Variants in BCAS3 observed in about 807,000 individuals in gnomAD.
BCAS3 encodes BCAS4/BCAS3 fusion.
BCAS3 carries 53 observed loss-of-function variants against 116.1 expected under a neutral mutation model. That is an observed-to-expected ratio of 0.46 (90% CI 0.37 to 0.57). BCAS3 has a LOEUF of 0.57. Ranked by LOEUF, BCAS3 falls within the 20% of genes least tolerant of loss-of-function variation. The pLI, the probability that BCAS3 is intolerant of heterozygous loss-of-function variation, is 0.00. For missense variants in BCAS3, 917 were observed against 1,165.4 expected (o/e 0.79, Z 3.10); for synonymous variants, 391 against 408.2 (o/e 0.96, Z 0.51).
At chr17:61,090,180 G>T (rs1226784009) in intron 22 of BCAS3, among the ~76,000 whole-genome samples, 3 of 152,302 alleles carry the variant, frequency 2.0e-5, no homozygotes, top group South Asian at 2.1e-4. Flanking sequence ...TGTGGAAGGG[G>T]TGTGTTCAAA....
chr17:61,030,714 G>C (rs557757067), intron 16 of BCAS3, among the ~76,000 whole-genome samples: 2 of 151,826 alleles, frequency 1.3e-5, no homozygotes, highest in African/African-American at 4.8e-5. Context: ...TTTTTCTTTT[G>C]ATTACATTGA....
chr17:61,090,522 T>C (rs994523255), intron 22 of BCAS3, among the ~76,000 whole-genome samples: 3 of 152,216 alleles, frequency 2.0e-5, no homozygotes, highest in African/African-American at 7.2e-5. Context: ...CTTTCGACTA[T>C]CTGCTGTCTA....
rs539781761 is a variant in BCAS3 at position 61,156,536 on chromosome 17, G to C, written c.2425+71972G>C. ...TGTAGGTTCAGACTGAGGTTGGAAC[G>C]GGCTTGCTTCTCTCTCTCACCTTCT... On this transcript the variant is annotated intron_variant, in intron 22 of 23. Coordinates refer to ENST00000407086, the MANE Select transcript of BCAS3 (RefSeq NM_017679.5). The surrounding 1 kb of genome is among the most constrained non-coding windows in gnomAD (Gnocchi z 4.7). 1.3e-5 allele frequency among the ~76,000 whole-genome samples: 2 copies of C among 152,068 alleles called. No homozygotes were observed. The highest frequency in any genetic ancestry group is 2.9e-5 in the Non-Finnish European group (2 of 68,024).
chr17:61,118,569 T>C lies in BCAS3; in HGVS notation c.2425+34005T>C, dbSNP rs573007567. Among the ~76,000 whole-genome samples the C allele has an allele frequency of 6.6e-6, 1 of 152,190 alleles. No homozygotes were observed. The highest frequency in any genetic ancestry group is 1.5e-5 in the Non-Finnish European group (1 of 68,034). ...CCCTGTGGAGGTGTTGGGCACCTTG[T>C]CATAGCCTCTCAAGGGTGGAGTCTG... On this transcript the variant is annotated intron_variant, in intron 22 of 23. Coordinates refer to ENST00000407086, the MANE Select transcript of BCAS3 (RefSeq NM_017679.5). The surrounding 1 kb of genome is among the most constrained non-coding windows in gnomAD (Gnocchi z 5.0).
intron 4 of BCAS3, among the ~76,000 whole-genome samples, chr17:60,703,696 C>T (rs910890058): frequency 4.0e-5 from 6 of 151,836 alleles, no homozygotes; most frequent in African/African-American, 9.7e-5. Context: ...GGGTGGATCA[C>T]GAGGTCAGGA....
In BCAS3 at chr17:61,077,977, G is replaced by GA. The variant is rs1213717059; in HGVS notation, c.2131-352dup. ...ATGGTAAGTACTGTCTAGAATGAAT[G>GA]AAAAGGTAGACCCTACGGAGCTGAC... On this transcript the variant is annotated intron_variant, in intron 20 of 23. Transcript: ENST00000407086. This position sits in a 1 kb window ranked among gnomAD's most constrained non-coding sequence, Gnocchi z 4.3. Among the ~76,000 whole-genome samples the GA allele has an allele frequency of 2.0e-5, 3 of 152,156 alleles. No individual in the cohort carries two copies. Among genetic ancestry groups the GA allele is most frequent in the Admixed American group, 1.3e-4 (2 of 15,284 alleles).
Position 61,017,858 on chromosome 17 carries a change from T to G in BCAS3, c.1637+1957T>G, listed in dbSNP as rs1482295620. Among the ~76,000 whole-genome samples the G allele has an allele frequency of 6.6e-6, 1 of 152,148 alleles. No homozygotes were observed. The highest frequency in any genetic ancestry group is 1.9e-4 in the East Asian group (1 of 5,194). On this transcript the variant is annotated intron_variant, in intron 16 of 23. Coordinates refer to ENST00000407086, the MANE Select transcript of BCAS3 (RefSeq NM_017679.5). This position sits in a 1 kb window ranked among gnomAD's most constrained non-coding sequence, Gnocchi z 4.7. ...TCTCTACACTGAGATGAATAGAAAC[T>G]GTTAGTCATTTGGTGTCCTCCTGTG...
At chr17:61,237,516 A>G (rs568975452) in intron 22 of BCAS3, among the ~76,000 whole-genome samples, 2 of 152,346 alleles carry the variant, frequency 1.3e-5, no homozygotes, top group Non-Finnish European at 1.5e-5. Context: ...TGCTCTTCAC[A>G]ATAAATCTTG....
At chr17:61,195,543 CTTT>C (rs112302026) in intron 22 of BCAS3, among the ~76,000 whole-genome samples, 4 of 81,394 alleles carry the variant, frequency 4.9e-5, no homozygotes, top group African/African-American at 8.1e-5. Context: ...CTTTTTCTTT[CTTT>C]TTTTTTTTTT....
rs192398189 is a variant in BCAS3, at chr17:61,264,241, T to A, written c.2426-104086T>A. Among the ~76,000 whole-genome samples the A allele has an allele frequency of 3.3e-5, 5 of 152,224 alleles. No homozygotes were observed. The East Asian group carries it at 9.6e-4, about 29-fold the overall frequency. ...TATTTCTAGATCTTGCAGTTCTACTTCTAAGTATGTAATCCAGAGAAAATT... is the reference window on the plus strand; with the variant it reads ...TATTTCTAGATCTTGCAGTTCTACTACTAAGTATGTAATCCAGAGAAAATT... On this transcript the variant is annotated intron_variant, in intron 22 of 23. Coordinates refer to ENST00000407086, the MANE Select transcript of BCAS3 (RefSeq NM_017679.5).
Position 61,325,080 on chromosome 17 carries a change from C to T in BCAS3, c.2426-43247C>T, listed in dbSNP as rs973183048. On this transcript the variant is annotated intron_variant, in intron 22 of 23. Transcript: ENST00000407086. This position sits in a 1 kb window ranked among gnomAD's most constrained non-coding sequence, Gnocchi z 6.4. ...AGGCCATCCCACCATGCACAGTTAG[C>T]CTGGGCTTTAAAACCCCGCTCCCTC... Among the ~76,000 whole-genome samples the T allele has an allele frequency of 5.9e-5, 9 of 152,146 alleles. No individual in the cohort carries two copies. The highest frequency in any genetic ancestry group is 1.2e-4 in the Non-Finnish European group (8 of 68,030).
intron 22 of BCAS3, among the ~76,000 whole-genome samples, chr17:61,240,107 ACAGCAGCAG>A (rs59917361): frequency 1.3e-5 from 2 of 151,914 alleles, no homozygotes; most frequent in Admixed American, 6.6e-5. Context: ...TGCTGTCTCA[ACAGCAGCAG>A]CAGCAGCAGC....
intron 11 of BCAS3, 107 bp downstream of exon 11, chr17:60,902,810 T>C (rs2057982516): frequency 1.1e-6 from 1 of 899,190 alleles, no homozygotes; most frequent in Non-Finnish European, 1.7e-6. Context: ...CTTGTACTTA[T>C]CCAATTTTAA....
chr17:61,294,333 G>A (rs1387562522), intron 22 of BCAS3, among the ~76,000 whole-genome samples: 1 of 152,046 alleles, frequency 6.6e-6, no homozygotes, highest in Non-Finnish European at 1.5e-5. Context: ...CTTTATTTGA[G>A]GGACAAGGAA....
chr17:60,973,586 A>ATATATATAT lies in BCAS3; in HGVS notation c.1222-16385_1222-16384insTATATATAT, dbSNP rs752524305. 6.0e-3 allele frequency among the ~76,000 whole-genome samples: 822 copies of ATATATATAT among 137,940 alleles called. 39 individuals are homozygous for ATATATATAT. The highest frequency in any genetic ancestry group is 0.022 in the African/African-American group (785 of 34,926). 90.5% of individuals were successfully genotyped at this position (137,940 alleles called of 152,430 possible). A position where few individuals can be genotyped will look rare whatever the true frequency, so the allele number is the denominator to read the frequency against. On this transcript the variant is annotated intron_variant, in intron 14 of 23. Transcript: ENST00000407086. ...TAGACATTGCTATTACCTTATTATTAATATATATATATATATATATATGTA... is the reference window on the plus strand; with the variant it reads ...TAGACATTGCTATTACCTTATTATTATATATATATATATATATATATATATATATATGTA...
rs1485538714 is a variant in BCAS3 at position 61,315,997 on chromosome 17, G to A, written c.2426-52330G>A. Among the ~76,000 whole-genome samples, 1 of 152,138 alleles carries A rather than the reference G, an allele frequency of 6.6e-6. No homozygotes were observed. Among genetic ancestry groups the A allele is most frequent in the Non-Finnish European group, 1.5e-5 (1 of 68,038 alleles). On this transcript the variant is annotated intron_variant, in intron 22 of 23. Transcript: ENST00000407086. The surrounding 1 kb of genome is among the most constrained non-coding windows in gnomAD (Gnocchi z 5.3). ...TTCATGTGTGTTTTCCAGTGTCTAG[G>A]ATAGTGACCATCTATAGCAGGTGCT...
chr17:61,160,402 C>T (rs1358571875), intron 22 of BCAS3, among the ~76,000 whole-genome samples: 1 of 151,882 alleles, frequency 6.6e-6, no homozygotes. Flanking sequence ...ACGGAATTTC[C>T]GAGCACTGAT....
At chr17:61,081,364 T>C (rs1362453541) in intron 21 of BCAS3, among the ~76,000 whole-genome samples, 4 of 152,226 alleles carry the variant, frequency 2.6e-5, no homozygotes, top group Non-Finnish European at 5.9e-5. Context: ...TCTATTAAGA[T>C]AATTCTAACT....
At chr17:60,820,396 C>T (rs138563835) in intron 7 of BCAS3, among the ~76,000 whole-genome samples, 440 of 152,202 alleles carry the variant, frequency 2.9e-3, no homozygotes, top group Non-Finnish European at 4.4e-3. Context: ...TCATCCCAGT[C>T]AGAAACTAGG....
Sources: gnomAD v4.1 joint callset for allele counts (sites outside exome capture counted in the v4.1 genomes callset) on GRCh38, gnomAD v4.1.1 for gene constraint, Gnocchi (gnomAD v3.1) non-coding constraint, MANE v1.5 for transcripts, NCBI Gene and HGNC (gene_info 2026-07-23, HGNC 2026-07-21) for gene names.